SYNDIG1L: variants seen among roughly 807,000 people sequenced by gnomAD.
SYNDIG1L encodes the protein synapse differentiation-inducing gene protein 1-like.
SYNDIG1L carries 13 observed loss-of-function variants against 20.1 expected under a neutral mutation model. The observed-to-expected ratio is 0.65, with a 90% CI of 0.42 to 1.03. The LOEUF (loss-of-function observed/expected upper bound fraction) is 1.03. SYNDIG1L is among the 50% of genes least tolerant of loss of function. The probability of loss-of-function intolerance (pLI) is 0.00; values close to 1 mark genes in which losing one functional copy is unlikely to be tolerated. For synonymous variants in SYNDIG1L, 128 were observed against 129.3 expected (o/e 0.99, Z 0.07); for missense variants, 294 against 305.1 (o/e 0.96, Z 0.27).
At chr14:74,467,114 T>A in the SYNDIG1L span, among the ~76,000 whole-genome samples, 6 of 152,188 alleles carry the variant, frequency 3.9e-5, no homozygotes, top group Non-Finnish European at 5.9e-5. Context: ...CACCGTGTTA[T>A]TTCCTTTAAA....
upstream of SYNDIG1L, among the ~76,000 whole-genome samples, chr14:74,428,736 T>G (rs1228675998): frequency 2.0e-5 from 3 of 152,088 alleles, no homozygotes; most frequent in African/African-American, 7.2e-5. Context: ...AGTGAACAGA[T>G]GAGCCTGGAG....
the SYNDIG1L span, among the ~76,000 whole-genome samples, chr14:74,432,368 C>G: frequency 6.6e-6 from 1 of 152,176 alleles, no homozygotes; most frequent in Non-Finnish European, 1.5e-5. Context: ...CATCCCATCT[C>G]TCCTCCACAC....
At chr14:74,476,623 C>T in the SYNDIG1L span, 4 of 1,505,346 alleles carry the variant, frequency 2.7e-6, no homozygotes, top group South Asian at 4.8e-5. Context: ...CACTGTTCTT[C>T]TGCCCCAGTC....
the SYNDIG1L span, among the ~76,000 whole-genome samples, chr14:74,440,640 A>G: frequency 1.3e-5 from 2 of 151,846 alleles, no homozygotes; most frequent in Admixed American, 1.3e-4. Flanking sequence ...AGCCGAGATC[A>G]CGCCACTGAA....
intron 1 of SYNDIG1L, among the ~76,000 whole-genome samples, chr14:74,420,529 TGAGGAA>T (rs781105321): frequency 3.3e-5 from 5 of 149,428 alleles, no homozygotes; most frequent in Admixed American, 6.7e-5. Context: ...TCACTAGAAG[TGAGGAA>T]GAGGAAGAGG....
chr14:74,423,691 TATACAC>T (rs1475132097), intron 1 of SYNDIG1L, among the ~76,000 whole-genome samples: 80 of 30,668 alleles, frequency 2.6e-3, no homozygotes, highest in African/African-American at 0.01. Flanking sequence ...TTGATATATA[TATACAC>T]ACACACACAC....
chr14:74,407,411 C>G lies in SYNDIG1L; in HGVS notation c.*124G>C. The G allele has an allele frequency of 2.2e-6, 3 of 1,368,496 alleles. No individual in the cohort carries two copies. Among genetic ancestry groups the G allele is most frequent in the Non-Finnish European group, 2.0e-6 (2 of 1,000,772 alleles). 84.8% of individuals were successfully genotyped at this position (1,368,496 alleles called of 1,614,324 possible). ...TGCAGGCTGTGGAATGGGGGTCTCC[C>G]CCTCAGCAAGCCACTCTCACGGGAT... On this transcript the variant is annotated 3_prime_UTR_variant, in exon 4 of 4. Transcript: ENST00000331628.
At chr14:74,469,527 AAAG>A in the SYNDIG1L span, among the ~76,000 whole-genome samples, 268 of 152,196 alleles carry the variant, frequency 1.8e-3, 3 homozygotes, top group South Asian at 0.031. Flanking sequence ...AATAAAAAAA[AAAG>A]AAGAAGAAGA....
At chr14:74,452,087 A>G in the SYNDIG1L span, among the ~76,000 whole-genome samples, 2 of 152,146 alleles carry the variant, frequency 1.3e-5, no homozygotes, top group South Asian at 4.1e-4. Context: ...ACACTTTACT[A>G]AAGAGAATAT....
the SYNDIG1L span, among the ~76,000 whole-genome samples, chr14:74,473,770 T>C: frequency 6.6e-6 from 1 of 152,226 alleles, no homozygotes; most frequent in East Asian, 1.9e-4. Flanking sequence ...AAGGAATGCA[T>C]ACTGTCCTGT....
chr14:74,461,194 C>T, the SYNDIG1L span, among the ~76,000 whole-genome samples: 39 of 152,228 alleles, frequency 2.6e-4, no homozygotes, highest in South Asian at 2.1e-3. Flanking sequence ...GTGATCTGCC[C>T]GCCTTGGCCT....
At chr14:74,422,920 A>G (rs1367313172) in intron 1 of SYNDIG1L, among the ~76,000 whole-genome samples, 2 of 151,888 alleles carry the variant, frequency 1.3e-5, no homozygotes. Context: ...GCTGGTCTCG[A>G]ACTCCTGACC....
intron 1 of SYNDIG1L, among the ~76,000 whole-genome samples, chr14:74,421,027 A>G (rs920196905): frequency 6.6e-6 from 1 of 152,216 alleles, no homozygotes; most frequent in African/African-American, 2.4e-5. Context: ...ACAGGAAAAT[A>G]AAAGAGAAGG....
Position 74,409,699 on chromosome 14 carries a change from G to C in SYNDIG1L, c.46C>G (p.Pro16Ala). The C allele has an allele frequency of 6.8e-7, 1 of 1,471,344 alleles. No individual in the cohort carries two copies. The highest frequency in any genetic ancestry group is 9.0e-7 in the Non-Finnish European group (1 of 1,110,292). The allele number at this position is 1,471,344 out of a possible 1,614,324, so 91.1% of individuals were successfully genotyped here. A position where few individuals can be genotyped will look rare whatever the true frequency, so the allele number is the denominator to read the frequency against. ...GGATAGGGGCCATGGAGATGGGCAG[G>C]GCTCCTGGGCAGCAGCGGGTTCTGT... is the stretch of plus-strand genomic sequence containing the variant. Reference protein sequence around the residue: ...ELQNPLLPRSPAHLHGPYPYP... With the variant: ...ELQNPLLPRSAAHLHGPYPYP... The change falls in exon 2 of 4, where the codon CCT (proline) becomes GCT (alanine). Residue 16 changes from proline to alanine, a missense_variant. Coordinates refer to ENST00000331628, the MANE Select transcript of SYNDIG1L (RefSeq NM_001105579.2).
the SYNDIG1L span, among the ~76,000 whole-genome samples, chr14:74,439,144 C>G: frequency 6.7e-6 from 1 of 150,312 alleles, no homozygotes; most frequent in Non-Finnish European, 1.5e-5. Context: ...AGGCTCAGCT[C>G]GGGGGTTTCC....
chr14:74,472,487 C>T, the SYNDIG1L span: 1 of 152,200 alleles, frequency 6.6e-6, no homozygotes, highest in Non-Finnish European at 1.5e-5. Flanking sequence ...GGACTAATAG[C>T]TGTGCTGGAC....
chr14:74,460,673 G>A, the SYNDIG1L span, among the ~76,000 whole-genome samples: 1 of 151,974 alleles, frequency 6.6e-6, no homozygotes, highest in African/African-American at 2.4e-5. Context: ...TCTTGCTTCG[G>A]CTCCCAGGCT....
the SYNDIG1L span, among the ~76,000 whole-genome samples, chr14:74,442,413 A>G: frequency 6.6e-6 from 1 of 152,206 alleles, no homozygotes; most frequent in African/African-American, 2.4e-5. Flanking sequence ...GAGGATAGCT[A>G]ACTAGATAAA....
intron 1 of SYNDIG1L, among the ~76,000 whole-genome samples, chr14:74,422,088 C>T (rs1020434459): frequency 1.3e-5 from 2 of 152,186 alleles, no homozygotes; most frequent in Admixed American, 6.5e-5. Context: ...ACTGAAACAA[C>T]CTGTCTCTCC....
Sources: allele counts gnomAD v4.1 joint callset (sites outside exome capture counted in the v4.1 genomes callset), GRCh38; gene constraint gnomAD v4.1.1; transcripts MANE v1.5; gene names NCBI Gene and HGNC (gene_info 2026-07-23, HGNC 2026-07-21).